Variants in AKAP9 observed in about 807,000 individuals in gnomAD.
The protein encoded by AKAP9 is A-kinase anchoring protein 9.
AKAP9 carries 311 observed loss-of-function variants against 488.5 expected under a neutral mutation model. The ratio of observed to expected loss-of-function variants is 0.64; its 90% CI spans 0.58 to 0.70. The LOEUF (loss-of-function observed/expected upper bound fraction) is 0.70, where lower values mean the gene tolerates loss of function less well. Ranked by LOEUF, AKAP9 falls within the 30% of genes least tolerant of loss-of-function variation. AKAP9 has a pLI of 0.00. For missense variants in AKAP9, 4,215 were observed against 4,374.5 expected (o/e 0.96, Z 1.03); for synonymous variants, 1,462 against 1,483.5 (o/e 0.99, Z 0.33).
chr7:92,092,946 T>TG, intron 38 of AKAP9, 151 bp from the exon 39 acceptor site: 1 of 677,648 alleles, frequency 1.5e-6, no homozygotes, highest in Non-Finnish European at 2.5e-6. Flanking sequence ...CCACCATGCC[T>TG]GGACTGCATT....
intron 1 of AKAP9, among the ~76,000 whole-genome samples, chr7:91,957,782 G>A (rs1793215393): frequency 6.6e-6 from 1 of 152,072 alleles, no homozygotes; most frequent in Non-Finnish European, 1.5e-5. Flanking sequence ...AAAGATTTGG[G>A]CTATAAACTA....
intron 8 of AKAP9, among the ~76,000 whole-genome samples, chr7:92,007,194 TATATG>T (rs1167098374): frequency 2.6e-5 from 4 of 151,662 alleles, no homozygotes; most frequent in East Asian, 1.9e-4. Flanking sequence ...GACAAAAAGA[TATATG>T]GTATGAATGG....
At chr7:91,969,846 C>A (rs1173139302) in intron 1 of AKAP9, among the ~76,000 whole-genome samples, 2 of 152,224 alleles carry the variant, frequency 1.3e-5, no homozygotes, top group African/African-American at 4.8e-5. Context: ...TTGGGTCTTA[C>A]TTCTGTATTC....
chr7:92,028,275 C>T (rs1029728032), intron 14 of AKAP9, among the ~76,000 whole-genome samples: 63 of 108,940 alleles, frequency 5.8e-4, no homozygotes, highest in African/African-American at 2.1e-3. Flanking sequence ...GAGAAACACC[C>T]AAGAATGATC....
chr7:91,985,317 G>A (rs1796932978), intron 3 of AKAP9, among the ~76,000 whole-genome samples: 1 of 152,076 alleles, frequency 6.6e-6, no homozygotes, highest in African/African-American at 2.4e-5. Flanking sequence ...AGAGTTTTTA[G>A]CATGAAAGGC....
chr7:91,961,358 A>G (rs1345559703), intron 1 of AKAP9, among the ~76,000 whole-genome samples: 2 of 151,498 alleles, frequency 1.3e-5, no homozygotes, highest in Non-Finnish European at 2.9e-5. Flanking sequence ...TTTGTATTTT[A>G]GTAGAGACGG....
At position 92,002,263 on chromosome 7, in the gene AKAP9, TGAAAA is replaced by T. The variant is rs1343716411; in HGVS notation, c.2352_2356del (p.Lys784AsnfsTer3). ...AAGCAGAGAATAGCATTCTTAAAGA[TGAAAA>T]GAAAACCCTTGAAGACATGTTGAAA... On this transcript the variant is annotated frameshift_variant, in exon 8 of 50. Coordinates refer to ENST00000356239, the MANE Select transcript of AKAP9 (RefSeq NM_005751.5). LOFTEE classifies it high-confidence loss of function. 1 of 1,601,922 alleles carries T rather than the reference TGAAAA, an allele frequency of 6.2e-7. No homozygotes were observed. The highest frequency in any genetic ancestry group is 8.5e-7 in the Non-Finnish European group (1 of 1,176,836).
intron 39 of AKAP9, 91 bp from the exon 40 acceptor site, chr7:92,094,932 C>A: frequency 8.6e-7 from 1 of 1,164,582 alleles, no homozygotes; most frequent in Non-Finnish European, 1.3e-6. Flanking sequence ...TATTATATGC[C>A]TCAACTTATC....
chr7:92,102,170 A>AAT (rs1563150552), intron 45 of AKAP9, among the ~76,000 whole-genome samples: 27,618 of 134,412 alleles, frequency 0.21, 3,303 homozygotes, highest in African/African-American at 0.33. Flanking sequence ...ATTTAAAAAA[A>AAT]AAATAAATAA....
intron 12 of AKAP9, among the ~76,000 whole-genome samples, chr7:92,020,322 C>T (rs1049596138): frequency 1.3e-5 from 2 of 152,148 alleles, no homozygotes; most frequent in African/African-American, 2.4e-5. Flanking sequence ...GCATGCTGCC[C>T]TTTCTGCATA....
chr7:92,104,616 G>A (rs146967302), intron 46 of AKAP9, among the ~76,000 whole-genome samples: 1 of 152,156 alleles, frequency 6.6e-6, no homozygotes, highest in Non-Finnish European at 1.5e-5. Flanking sequence ...TAGTGATAGA[G>A]CTAGGACAAC....
chr7:92,086,251 T>C lies in AKAP9; in HGVS notation c.9048T>C (p.His3016=), dbSNP rs748206350. Residue 3016 remains histidine, a synonymous_variant, in exon 37 of 50, where the codon CAT becomes CAC. Coordinates refer to ENST00000356239, the MANE Select transcript of AKAP9 (RefSeq NM_005751.5). ...EAEVYDSSQS[H]ESFSDWRGEL... is the part of the protein sequence containing the mutation. ...AGGTTTATGATAGTTCTCAATCTCA[T>C]GAGAGCTTCTCAGACTGGCGAGGTG... is the stretch of plus-strand genomic sequence containing the variant. 13 of 1,614,050 alleles carry C rather than the reference T, an allele frequency of 8.1e-6. No individual in the cohort carries two copies. The highest frequency in any genetic ancestry group is 1.3e-5 in the African/African-American group (1 of 74,942).
chr7:92,043,774 A>G (rs1806518638), intron 20 of AKAP9, among the ~76,000 whole-genome samples: 1 of 152,208 alleles, frequency 6.6e-6, no homozygotes, highest in Admixed American at 6.5e-5. Context: ...TTCTCCATTT[A>G]TTATCTTGTC....
chr7:92,016,919 C>G, intron 11 of AKAP9, 98 bp from the exon 12 acceptor site: 1 of 907,508 alleles, frequency 1.1e-6, no homozygotes, highest in Non-Finnish European at 1.7e-6. Context: ...TTCTAGCAGG[C>G]AATTTTTTTA....
At chr7:92,058,045 G>T in intron 22 of AKAP9, 1 of 366,394 alleles carries the variant, frequency 2.7e-6, no homozygotes, top group Non-Finnish European at 5.3e-6. Context: ...ACATTTATTT[G>T]ATAGTGCTAA....
At chr7:91,958,188 A>T (rs767716582) in intron 1 of AKAP9, among the ~76,000 whole-genome samples, 1 of 152,218 alleles carries the variant, frequency 6.6e-6, no homozygotes, top group Non-Finnish European at 1.5e-5. Context: ...CAGATGCAGC[A>T]GTTCTTTTAT....
At position 92,028,295 on chromosome 7, in the gene AKAP9, TAAAAAAAAAA is replaced by T. The variant is rs57352733; in HGVS notation, c.4149-1581_4149-1572del. On this transcript the variant is annotated intron_variant, in intron 14 of 49. Transcript: ENST00000356239. Reference sequence around the variant, plus strand: ...ACACCCAAGAATGATCAATAAATACTAAAAAAAAAAAAAAAAAAAAAAAAAAAAGAATGAA... The same window carrying T: ...ACACCCAAGAATGATCAATAAATACTAAAAAAAAAAAAAAAAAAGAATGAA... Among the ~76,000 whole-genome samples, 124 of 65,092 alleles carry T rather than the reference TAAAAAAAAAA, an allele frequency of 1.9e-3. 1 individual carries two copies. The highest frequency in any genetic ancestry group is 7.8e-3 in the African/African-American group (121 of 15,446). The allele number at this position is 65,092 out of a possible 152,430, so 42.7% of individuals were successfully genotyped here.
At chr7:92,063,432 CTT>C (rs35933206) in intron 24 of AKAP9, 327,578 of 896,718 alleles carry the variant, frequency 0.37, 42,780 homozygotes, top group African/African-American at 0.46. Flanking sequence ...TTTGTTGTGT[CTT>C]TTTTTTTTTT....
chr7:91,959,298 T>A (rs1793430609), intron 1 of AKAP9, among the ~76,000 whole-genome samples: 1 of 151,954 alleles, frequency 6.6e-6, no homozygotes, highest in African/African-American at 2.4e-5. Flanking sequence ...TTATTATTAC[T>A]ACTATTTTTG....
Sources: gnomAD v4.1 joint callset for allele counts (sites outside exome capture counted in the v4.1 genomes callset) on GRCh38, gnomAD v4.1.1 for gene constraint, MANE v1.5 for transcripts, NCBI Gene and HGNC (gene_info 2026-07-23, HGNC 2026-07-21) for gene names.